Variants in CTNNA3 observed in about 807,000 individuals in gnomAD.
CTNNA3 encodes catenin alpha 3.
CTNNA3 carries 76 observed loss-of-function variants against 95.7 expected under a neutral mutation model. That is an observed-to-expected ratio of 0.79 (90% confidence interval 0.66 to 0.96). The LOEUF (loss-of-function observed/expected upper bound fraction) is 0.96, where lower values mean the gene tolerates loss of function less well. CTNNA3 is among the 40% of genes least tolerant of loss of function. The pLI is 0.00. For missense variants in CTNNA3, 1,191 were observed against 1,089.8 expected (o/e 1.09, Z -1.31); for synonymous variants, 431 against 374.4 (o/e 1.15, Z -1.74).
intron 12 of CTNNA3, among the ~76,000 whole-genome samples, chr10:66,325,909 C>T (rs911068993): frequency 1.2e-4 from 19 of 152,070 alleles, no homozygotes; most frequent in East Asian, 5.8e-4. Context: ...TTATTTCATT[C>T]GAGAAGAAGG....
intron 6 of CTNNA3, among the ~76,000 whole-genome samples, chr10:67,215,302 T>TACTA (rs145648654): frequency 0.042 from 6,361 of 152,190 alleles, 166 homozygotes; most frequent in South Asian, 0.088. Context: ...TATATTAAAA[T>TACTA]ACTTTTTTCA....
rs779687190 is a variant in CTNNA3 at position 66,360,743 on chromosome 10, TCTTCCTTC to T, written c.1732+18401_1732+18408del. ...TTCTTCCTTTCTTTCTTTCTTTCTT[TCTTCCTTC>T]CTTCCTTCCTTCCTTCCTTTTCTTT... On this transcript the variant is annotated intron_variant, in intron 12 of 17. Coordinates refer to ENST00000433211, the MANE Select transcript of CTNNA3 (RefSeq NM_013266.4). 2.1e-3 allele frequency among the ~76,000 whole-genome samples: 81 copies of T among 38,492 alleles called. 3 individuals are homozygous for T. Among genetic ancestry groups the T allele is most frequent in the African/African-American group, 5.3e-3 (70 of 13,282 alleles). The allele number at this position is 38,492 out of a possible 152,430, so 25.3% of individuals were successfully genotyped here.
chr10:66,957,335 G>A lies in CTNNA3; in HGVS notation c.1048-181811C>T, dbSNP rs1177646954. Reference sequence around the variant, plus strand: ...CATTTATTCCACAGTAGAAATGAGAGACAAGTAAAAAATACTTTAGAAGAA... The same window carrying A: ...CATTTATTCCACAGTAGAAATGAGAAACAAGTAAAAAATACTTTAGAAGAA... On this transcript the variant is annotated intron_variant, in intron 7 of 17. Transcript: ENST00000433211. Among the ~76,000 whole-genome samples, 80 of 149,790 alleles carry A rather than the reference G, an allele frequency of 5.3e-4. 1 individual carries two copies. In the Admixed American group the frequency reaches 5.4e-3, roughly 10 times the overall value.
Position 67,741,907 on chromosome 10 carries a change from G to A in CTNNA3, c.-2+21527C>T, listed in dbSNP as rs181400219. On this transcript the variant is annotated intron_variant, in intron 1 of 17. Coordinates refer to the CTNNA3 transcript ENST00000684154. Reference sequence around the variant, plus strand: ...ACCAACAAAGATCAAAAAAGACAAAGAAGGCCATTACATAATGGTAAAGGG... The same window carrying A: ...ACCAACAAAGATCAAAAAAGACAAAAAAGGCCATTACATAATGGTAAAGGG... Among the ~76,000 whole-genome samples, 1,146 of 151,316 alleles carry A rather than the reference G, an allele frequency of 7.6e-3. 33 individuals are homozygous for A. Among genetic ancestry groups the A allele is most frequent in the African/African-American group, 0.026 (1,056 of 41,374 alleles).
At chr10:67,744,262 G>C (rs1034653229) in intron 1 of CTNNA3, among the ~76,000 whole-genome samples, 5 of 151,160 alleles carry the variant, frequency 3.3e-5, no homozygotes, top group African/African-American at 9.7e-5. Context: ...ATACTACAAG[G>C]CTACGGTAAC....
rs181615982 is a variant in CTNNA3, at chr10:66,694,220, C to A, written c.1281+72044G>T. On this transcript the variant is annotated intron_variant, in intron 9 of 17. Transcript: ENST00000433211. ...CAAAATTGATAGACCGCTAGCAAGA[C>A]TAATAAAGAAGAAAAGAGAGAAGAA... 7.0e-3 allele frequency among the ~76,000 whole-genome samples: 1,061 copies of A among 151,866 alleles called. 12 individuals carry two copies. The highest frequency in any genetic ancestry group is 0.024 in the African/African-American group (1,008 of 41,394).
intron 13 of CTNNA3, among the ~76,000 whole-genome samples, chr10:66,196,425 A>G (rs2086962325): frequency 6.6e-6 from 1 of 152,276 alleles, no homozygotes; most frequent in Admixed American, 6.5e-5. Flanking sequence ...AAAAGACCCA[A>G]CTGGTTGCTT....
intron 7 of CTNNA3, among the ~76,000 whole-genome samples, chr10:67,132,880 T>C (rs1860092025): frequency 6.6e-6 from 1 of 151,676 alleles, no homozygotes; most frequent in Admixed American, 6.6e-5. Context: ...CTCAGGGACA[T>C]AGAAAAAAGG....
intron 9 of CTNNA3, among the ~76,000 whole-genome samples, chr10:66,669,381 TA>T: frequency 6.6e-6 from 1 of 151,906 alleles, no homozygotes; most frequent in Non-Finnish European, 1.5e-5. Context: ...CCATCTCTAC[TA>T]AAAATACAAA....
chr10:66,805,264 G>A (rs1489210885), intron 7 of CTNNA3, among the ~76,000 whole-genome samples: 1 of 151,408 alleles, frequency 6.6e-6, no homozygotes, highest in African/African-American at 2.4e-5. Context: ...ATAAATCATA[G>A]CCGTGTGTAC....
intron 7 of CTNNA3, among the ~76,000 whole-genome samples, chr10:67,123,898 C>T (rs949261287): frequency 3.9e-5 from 6 of 152,146 alleles, no homozygotes; most frequent in African/African-American, 1.4e-4. Flanking sequence ...GTACTAAACA[C>T]AGCCCTGAGG....
chr10:66,340,086 A>G (rs992409804), intron 12 of CTNNA3, among the ~76,000 whole-genome samples: 3 of 151,780 alleles, frequency 2.0e-5, no homozygotes, highest in Admixed American at 6.6e-5. Context: ...GGACAGGGTT[A>G]TATTTGTGGG....
At chr10:67,251,674 T>C (rs1035925816) in intron 5 of CTNNA3, among the ~76,000 whole-genome samples, 14 of 152,158 alleles carry the variant, frequency 9.2e-5, no homozygotes, top group Non-Finnish European at 2.1e-4. Context: ...GGAAAACTGC[T>C]GGTTTAAAGC....
In CTNNA3 at chr10:66,672,998, T is replaced by G. The variant is rs191925978; in HGVS notation, c.1282-51214A>C. On this transcript the variant is annotated intron_variant, in intron 9 of 17. Transcript: ENST00000433211. ...AATTTTCTCAAAGCCATATGGATGT[T>G]AGTTGCAAATCCAGATCTGGGCCTT... Among the ~76,000 whole-genome samples the G allele has an allele frequency of 2.0e-5, 3 of 152,218 alleles. No individual in the cohort carries two copies. The East Asian group carries it at 5.8e-4, about 29-fold the overall frequency.
chr10:67,575,090 G>A (rs1842101148), intron 3 of CTNNA3, among the ~76,000 whole-genome samples: 1 of 152,072 alleles, frequency 6.6e-6, no homozygotes, highest in South Asian at 2.1e-4. Flanking sequence ...CACTCAGAGG[G>A]GAATGATTTA....
At chr10:66,011,238 T>A (rs1195875706) in intron 15 of CTNNA3, among the ~76,000 whole-genome samples, 1 of 152,186 alleles carries the variant, frequency 6.6e-6, no homozygotes, top group African/African-American at 2.4e-5. Context: ...TTTCTCTTCC[T>A]CCCTCTTGGC....
At chr10:66,039,219 C>T (rs189835493) in intron 15 of CTNNA3, among the ~76,000 whole-genome samples, 134 of 152,172 alleles carry the variant, frequency 8.8e-4, no homozygotes, top group African/African-American at 3.0e-3. Flanking sequence ...AGGAGAACTA[C>T]GAAATGCTGC....
At chr10:66,698,548 C>T (rs1446833483) in intron 9 of CTNNA3, among the ~76,000 whole-genome samples, 1 of 152,176 alleles carries the variant, frequency 6.6e-6, no homozygotes, top group Non-Finnish European at 1.5e-5. Flanking sequence ...GCTTAAGATT[C>T]ATAATCCTCA....
intron 7 of CTNNA3, among the ~76,000 whole-genome samples, chr10:66,824,280 A>G (rs1345086083): frequency 6.6e-6 from 1 of 152,186 alleles, no homozygotes; most frequent in Non-Finnish European, 1.5e-5. Flanking sequence ...CTAGAAACTT[A>G]TAAAACATTC....
Sources: gnomAD v4.1 joint callset for allele counts (sites outside exome capture counted in the v4.1 genomes callset) on GRCh38, gnomAD v4.1.1 for gene constraint, MANE v1.5 for transcripts, NCBI Gene and HGNC (gene_info 2026-07-23, HGNC 2026-07-21) for gene names.